LSM5: variants seen among roughly 807,000 people sequenced by gnomAD.
LSM5 encodes U6 snRNA-associated Sm-like protein LSm5.
Under a neutral mutation model 13.8 loss-of-function variants are expected in LSM5, and 8 were observed. The ratio of observed to expected loss-of-function variants is 0.58; its 90% CI spans 0.34 to 1.04. LSM5 has a LOEUF of 1.04. Ranked by LOEUF, LSM5 falls within the 50% of genes least tolerant of loss-of-function variation. The pLI is 0.03. For missense variants in LSM5, 80 were observed against 108.1 expected (o/e 0.74, Z 1.15); for synonymous variants, 35 against 37.0 (o/e 0.95, Z 0.20).
upstream of LSM5, among the ~76,000 whole-genome samples, chr7:32,492,006 A>G (rs1786605933): frequency 6.6e-6 from 1 of 152,166 alleles, no homozygotes; most frequent in South Asian, 2.1e-4. Context: ...ACCCATCAAC[A>G]TTCTCCTTAC....
In LSM5 at chr7:32,485,955, A is replaced by G. The variant is rs1246068603; in HGVS notation, c.*1306T>C. The G allele has an allele frequency of 6.6e-6, 1 of 151,760 alleles. No individual in the cohort carries two copies. Among genetic ancestry groups the G allele is most frequent in the East Asian group, 1.9e-4 (1 of 5,172 alleles). 9.4% of individuals were successfully genotyped at this position (151,760 alleles called of 1,614,324 possible). On this transcript the variant is annotated 3_prime_UTR_variant, in exon 5 of 5. Transcript: ENST00000450169. ...AGTGAGACTCTCCAAAAAAAAAAAAAAAAAAAAAAAAAGGAAAAGAAAACT... is the reference window on the plus strand; with the variant it reads ...AGTGAGACTCTCCAAAAAAAAAAAAGAAAAAAAAAAAAGGAAAAGAAAACT...
At chr7:32,489,179 C>T (rs923757032) in intron 2 of LSM5, 70 bp downstream of exon 2, 17 of 753,648 alleles carry the variant, frequency 2.3e-5, no homozygotes, top group Middle Eastern at 4.7e-4. Context: ...CACAAATATA[C>T]TGATTGTCTA....
rs1049204963 is a variant in LSM5 at position 32,485,895 on chromosome 7, G to A, written c.*1366C>T. The A allele has an allele frequency of 6.6e-5, 10 of 150,966 alleles. No individual in the cohort carries two copies. Among genetic ancestry groups the A allele is most frequent in the African/African-American group, 2.2e-4 (9 of 40,918 alleles). 9.4% of individuals were successfully genotyped at this position (150,966 alleles called of 1,614,324 possible). On this transcript the variant is annotated 3_prime_UTR_variant, in exon 5 of 5. Coordinates refer to ENST00000450169, the MANE Select transcript of LSM5 (RefSeq NM_012322.3). The stretch of plus-strand genomic sequence containing the variant: ...GACAAGGCACACCAGCCTGACTGGA[G>A]GTTGCAGGGAGCCAAGATCATGCCA...
At chr7:32,488,505 G>A (rs190267804) in intron 3 of LSM5, 120 bp downstream of exon 3, 10 of 713,680 alleles carry the variant, frequency 1.4e-5, no homozygotes, top group East Asian at 1.0e-4. Context: ...CAGATAAAAC[G>A]TCTATCTTTA....
At chr7:32,491,265 C>T (rs931085205), upstream of LSM5, among the ~76,000 whole-genome samples, 1 of 152,038 alleles carries the variant, frequency 6.6e-6, no homozygotes, top group East Asian at 1.9e-4. Context: ...GGCGTGGTGG[C>T]GTGCGCCTGT....
chr7:32,488,282 CCTTT>C, intron 3 of LSM5: 2 of 228,496 alleles, frequency 8.8e-6, no homozygotes, highest in South Asian at 8.2e-5. Context: ...TAATCCTCCT[CCTTT>C]GGCCTTCCAA....
upstream of LSM5, among the ~76,000 whole-genome samples, chr7:32,491,111 T>C: frequency 6.6e-6 from 1 of 152,064 alleles, no homozygotes; most frequent in East Asian, 1.9e-4. Flanking sequence ...ACCTGAACAG[T>C]CTAGGTCAGG....
chr7:32,487,204 C>A lies in LSM5; in HGVS notation c.*57G>T. On this transcript the variant is annotated 3_prime_UTR_variant, in exon 5 of 5. Coordinates refer to ENST00000450169, the MANE Select transcript of LSM5 (RefSeq NM_012322.3). ...ACATTAGAAAGTGGGAAAAAAAATT[C>A]CATTTTCTTGTCATTATAAGCCAAA... is the stretch of plus-strand genomic sequence containing the variant. The A allele has an allele frequency of 2.0e-6, 3 of 1,504,418 alleles. No homozygotes were observed. The highest frequency in any genetic ancestry group is 1.1e-5 in the South Asian group (1 of 87,372). The allele number at this position is 1,504,418 out of a possible 1,614,324, so 93.2% of individuals were successfully genotyped here. A position where few individuals can be genotyped will look rare whatever the true frequency, so the allele number is the denominator to read the frequency against.
chr7:32,491,394 T>C (rs1786582383), upstream of LSM5, among the ~76,000 whole-genome samples: 4 of 48,924 alleles, frequency 8.2e-5, no homozygotes, highest in African/African-American at 1.9e-4. Flanking sequence ...CGAAACTCCA[T>C]CTCAAAAAAA....
Position 32,486,260 on chromosome 7 carries a change from T to C in LSM5, c.*1001A>G, listed in dbSNP as rs1161998819. On this transcript the variant is annotated 3_prime_UTR_variant, in exon 5 of 5. Coordinates refer to ENST00000450169, the MANE Select transcript of LSM5 (RefSeq NM_012322.3). ...AATCCATTTAATACTATGTACATATTAATGTTGAAATATTTGACACAGAAA... is the reference window on the plus strand; with the variant it reads ...AATCCATTTAATACTATGTACATATCAATGTTGAAATATTTGACACAGAAA... 1 of 152,228 alleles carries C rather than the reference T, an allele frequency of 6.6e-6. No homozygotes were observed. Among genetic ancestry groups the C allele is most frequent in the Non-Finnish European group, 1.5e-5 (1 of 68,042 alleles). The allele number at this position is 152,228 out of a possible 1,614,324, so 9.4% of individuals were successfully genotyped here. A position where few individuals can be genotyped will look rare whatever the true frequency, so the allele number is the denominator to read the frequency against.
At chr7:32,490,233 C>G (rs765583299) in intron 1 of LSM5, 87 bp downstream of exon 1, 3 of 1,611,720 alleles carry the variant, frequency 1.9e-6, no homozygotes, top group African/African-American at 1.3e-5. Flanking sequence ...TCCCCACACT[C>G]GGCCAGGGCC....
In LSM5 at chr7:32,487,675, TG is replaced by T. The variant is rs1786481006; in HGVS notation, c.243+9del. ...TCCCATCAAAATAAAACAGTTTCAA[TG>T]TGTCTTACCATTGTTATATTATTTC... is the stretch of plus-strand genomic sequence containing the variant. On this transcript the variant is annotated intron_variant, in intron 4 of 4. Coordinates refer to ENST00000450169, the MANE Select transcript of LSM5 (RefSeq NM_012322.3). The T allele has an allele frequency of 2.9e-6, 4 of 1,386,536 alleles. No homozygotes were observed. The East Asian group carries it at 9.1e-5, about 32-fold the overall frequency. The allele number at this position is 1,386,536 out of a possible 1,614,324, so 85.9% of individuals were successfully genotyped here. A position where few individuals can be genotyped will look rare whatever the true frequency, so the allele number is the denominator to read the frequency against.
Position 32,486,701 on chromosome 7 carries a change from T to G in LSM5, c.*560A>C, listed in dbSNP as rs1786455873. ...ATAAAATTTCTATCTTTAGGGTAAT[T>G]CCAATAGATAATTCCTGCATTTCTA... On this transcript the variant is annotated 3_prime_UTR_variant, in exon 5 of 5. Coordinates refer to ENST00000450169, the MANE Select transcript of LSM5 (RefSeq NM_012322.3). 6.5e-6 allele frequency: 1 copy of G among 153,304 alleles called. No homozygotes were observed. The highest frequency in any genetic ancestry group is 2.4e-5 in the African/African-American group (1 of 41,476). The allele number at this position is 153,304 out of a possible 1,614,324, so 9.5% of individuals were successfully genotyped here. A position where few individuals can be genotyped will look rare whatever the true frequency, so the allele number is the denominator to read the frequency against.
chr7:32,492,998 C>G (rs934908655), upstream of LSM5, among the ~76,000 whole-genome samples: 4 of 152,146 alleles, frequency 2.6e-5, no homozygotes, highest in African/African-American at 7.2e-5. Context: ...TACATTAATA[C>G]AACTCATTTA....
chr7:32,494,425 C>T (rs965774534), upstream of LSM5, among the ~76,000 whole-genome samples: 4 of 152,202 alleles, frequency 2.6e-5, no homozygotes, highest in Non-Finnish European at 5.9e-5. Context: ...AACAGTTCTA[C>T]TGAATCACAG....
At position 32,490,358 on chromosome 7, in the gene LSM5, G is replaced by C. The variant is rs142004890; in HGVS notation, c.8C>G (p.Ala3Gly). 6 of 1,613,708 alleles carry C rather than the reference G, an allele frequency of 3.7e-6. No homozygotes were observed. The highest frequency in any genetic ancestry group is 2.2e-5 in the South Asian group (2 of 91,078). Residue 3 changes from alanine (A) to glycine (G), a missense_variant, in exon 1 of 5, where the codon GCT becomes GGT. Ala to Gly is a moderately conservative substitution (Grantham distance 60). Transcript: ENST00000450169. MA[A>G]NATTNPSQLL... ...CTGCGACGGGTTGGTAGTAGCGTTAGCCGCCATGGCTACGCCGGAAGTGGC... is the reference window on the plus strand; with the variant it reads ...CTGCGACGGGTTGGTAGTAGCGTTACCCGCCATGGCTACGCCGGAAGTGGC...
chr7:32,489,957 C>T (rs2128106133), intron 1 of LSM5: 1 of 1,110,256 alleles, frequency 9.0e-7, no homozygotes, highest in South Asian at 1.6e-5. Context: ...CACTAACCAA[C>T]CACATACATA....
In LSM5 at chr7:32,486,856, GT is replaced by G. The variant is rs1171452151; in HGVS notation, c.*404del. 5.2e-6 allele frequency: 1 copy of G among 192,468 alleles called. No individual in the cohort carries two copies. Among genetic ancestry groups the G allele is most frequent in the African/African-American group, 2.4e-5 (1 of 41,922 alleles). The allele number at this position is 192,468 out of a possible 1,614,324, so 11.9% of individuals were successfully genotyped here. ...ATTTTCTAAGTGATCATTTCCGGTT[GT>G]TTAAATGCACCTGTTCAAATCAAAG... On this transcript the variant is annotated 3_prime_UTR_variant, in exon 5 of 5. Transcript: ENST00000450169.
chr7:32,494,283 A>G (rs1306399193), upstream of LSM5, among the ~76,000 whole-genome samples: 5 of 152,260 alleles, frequency 3.3e-5, no homozygotes, highest in African/African-American at 1.2e-4. Context: ...TATTAAGAAA[A>G]CAGTTAATAT....
Sources: gnomAD v4.1 joint callset for allele counts (sites outside exome capture counted in the v4.1 genomes callset) on GRCh38, gnomAD v4.1.1 for gene constraint, MANE v1.5 for transcripts, NCBI Gene and HGNC (gene_info 2026-07-23, HGNC 2026-07-21) for gene names.